Variants in ENAM observed in about 807,000 individuals in gnomAD.
ENAM encodes enamelin, also known as amelogenesis imperfecta 2, hypocalcification (autosomal dominant).
Under a neutral mutation model 33.6 loss-of-function variants are expected in ENAM, and 21 were observed. That is an observed-to-expected ratio of 0.63 (90% confidence interval 0.44 to 0.90). The LOEUF (loss-of-function observed/expected upper bound fraction) is 0.90, where lower values mean the gene tolerates loss of function less well. ENAM is among the 40% of genes least tolerant of loss of function. ENAM has a pLI of 0.00. For missense variants in ENAM, 1,388 were observed against 1,366.9 expected (o/e 1.02, Z -0.24); for synonymous variants, 473 against 468.4 (o/e 1.01, Z -0.13).
intron 5 of ENAM, 132 bp from the exon 6 acceptor site, chr4:70,634,176 A>G: frequency 1.2e-6 from 1 of 855,450 alleles, no homozygotes; most frequent in East Asian, 2.4e-5. Flanking sequence ...AAGATCTGGA[A>G]GCTTCCATAG....
In ENAM at chr4:70,643,753, G is replaced by C; in HGVS notation, c.2327G>C (p.Arg776Thr). 6.2e-7 allele frequency: 1 copy of C among 1,614,124 alleles called. No homozygotes were observed. Among genetic ancestry groups the C allele is most frequent in the East Asian group, 2.2e-5 (1 of 44,872 alleles). ...WDHRIQAQGQRERRPYFNRNI... is the reference protein window; with the variant it reads ...WDHRIQAQGQTERRPYFNRNI... ...CACAGGATACAAGCCCAAGGGCAGA[G>C]AGAAAGAAGGCCGTATTTTAACAGA... The change falls in exon 9 of 9, where the codon AGA (arginine) becomes ACA (threonine). Residue 776 changes from arginine to threonine, a missense_variant. Coordinates refer to ENST00000396073, the MANE Select transcript of ENAM (RefSeq NM_031889.3).
Position 70,632,171 on chromosome 4 carries a change from C to CA in ENAM, c.168+282dup, listed in dbSNP as rs537392130. On this transcript the variant is annotated intron_variant, in intron 4 of 8. Transcript: ENST00000396073. Reference sequence around the variant, plus strand: ...CTTATCTGCTAAGTTTTTTAGCTAGCAAAAGTGACCAATTGTACCAAGGGT... The same window carrying CA: ...CTTATCTGCTAAGTTTTTTAGCTAGCAAAAAGTGACCAATTGTACCAAGGGT... Among the ~76,000 whole-genome samples, 11 of 152,064 alleles carry CA rather than the reference C, an allele frequency of 7.2e-5. No homozygotes were observed. The South Asian group carries it at 2.3e-3, about 32-fold the overall frequency.
In ENAM at chr4:70,645,306, T is replaced by A. The variant is rs1738732384; in HGVS notation, c.*451T>A. The A allele has an allele frequency of 5.4e-6, 1 of 184,362 alleles. No homozygotes were observed. The highest frequency in any genetic ancestry group is 1.1e-5 in the Non-Finnish European group (1 of 89,128). The allele number at this position is 184,362 out of a possible 1,614,324, so 11.4% of individuals were successfully genotyped here. A position where few individuals can be genotyped will look rare whatever the true frequency, so the allele number is the denominator to read the frequency against. ...TTTGCTTGTGTTGATCTTGTCAGGT[T>A]TTTTTCCTACTCAATATTCTCTTCA... On this transcript the variant is annotated 3_prime_UTR_variant, in exon 9 of 9. Coordinates refer to ENST00000396073, the MANE Select transcript of ENAM (RefSeq NM_031889.3).
At chr4:70,638,506 G>T (rs528242441) in intron 8 of ENAM, among the ~76,000 whole-genome samples, 1 of 136,804 alleles carries the variant, frequency 7.3e-6, no homozygotes, top group Admixed American at 7.4e-5. Flanking sequence ...CTGAGCCTTG[G>T]GGGTGGAGGT....
At position 70,644,676 on chromosome 4, in the gene ENAM, G is replaced by A; in HGVS notation, c.3250G>A (p.Gly1084Arg). The A allele has an allele frequency of 1.2e-6, 2 of 1,614,138 alleles. No homozygotes were observed. The highest frequency in any genetic ancestry group is 1.7e-6 in the Non-Finnish European group (2 of 1,179,996). Residue 1084 changes from glycine to arginine, a missense_variant, in exon 9 of 9, where the codon GGG (glycine) becomes AGG (arginine). Gly to Arg is a moderately radical substitution (Grantham distance 125). Transcript: ENST00000396073. ...SSDGRQSPFD[G>R]DSITPTENPN... Reference sequence around the variant, plus strand: ...CGATGGAAGGCAAAGCCCATTTGATGGGGATTCAATTACGCCTACTGAAAA... The same window carrying A: ...CGATGGAAGGCAAAGCCCATTTGATAGGGATTCAATTACGCCTACTGAAAA...
intron 4 of ENAM, 65 bp from the exon 5 acceptor site, chr4:70,632,586 G>T: frequency 8.6e-7 from 1 of 1,163,618 alleles, no homozygotes; most frequent in Non-Finnish European, 1.3e-6. Flanking sequence ...TATTTCTTAC[G>T]ATTTGTGCAT....
At position 70,644,944 on chromosome 4, in the gene ENAM, T is replaced by A; in HGVS notation, c.*89T>A. ...CAAAATTTTTTCCCCAAGACTTAATTAAGTGTCTGACTGTCTTGGTGATCC... is the reference window on the plus strand; with the variant it reads ...CAAAATTTTTTCCCCAAGACTTAATAAAGTGTCTGACTGTCTTGGTGATCC... On this transcript the variant is annotated 3_prime_UTR_variant, in exon 9 of 9. Transcript: ENST00000396073. 9.3e-7 allele frequency: 1 copy of A among 1,070,576 alleles called. No individual in the cohort carries two copies. The highest frequency in any genetic ancestry group is 1.4e-6 in the Non-Finnish European group (1 of 698,168). The allele number at this position is 1,070,576 out of a possible 1,614,324, so 66.3% of individuals were successfully genotyped here. A position where few individuals can be genotyped will look rare whatever the true frequency, so the allele number is the denominator to read the frequency against.
chr4:70,636,628 G>A (rs1246422702), intron 7 of ENAM, among the ~76,000 whole-genome samples: 1 of 152,152 alleles, frequency 6.6e-6, no homozygotes, highest in Non-Finnish European at 1.5e-5. Context: ...AATTAGCTGG[G>A]CATAATGGCA....
chr4:70,644,803 G>A lies in ENAM; in HGVS notation c.3377G>A (p.Arg1126Lys). The A allele has an allele frequency of 6.2e-7, 1 of 1,614,124 alleles. No homozygotes were observed. Among genetic ancestry groups the A allele is most frequent in the Non-Finnish European group, 8.5e-7 (1 of 1,179,976 alleles). ...CACAGTCCATTTGAATTCCTTCAAA[G>A]AGGGACCAATGTACAGGACCAGGTA... ...DEHSPFEFLQRGTNVQDQVQD... is the reference protein window; with the variant it reads ...DEHSPFEFLQKGTNVQDQVQD... The change falls in exon 9 of 9, where the codon AGA becomes AAA. Residue 1126 changes from arginine to lysine, a missense_variant. By Grantham distance (26) the Arg-to-Lys change is conservative (BLOSUM62 2). Coordinates refer to ENST00000396073, the MANE Select transcript of ENAM (RefSeq NM_031889.3).
chr4:70,635,699 C>G, intron 6 of ENAM, 133 bp from the exon 7 acceptor site: 1 of 686,038 alleles, frequency 1.5e-6, no homozygotes, highest in Middle Eastern at 2.7e-4. Flanking sequence ...CGTCTTTGCC[C>G]TATAAAAAAC....
Position 70,634,417 on chromosome 4 carries a change from C to A in ENAM, c.320C>A (p.Ser107Tyr). The A allele has an allele frequency of 6.2e-7, 1 of 1,614,154 alleles. No homozygotes were observed. The highest frequency in any genetic ancestry group is 1.1e-5 in the South Asian group (1 of 91,088). Residue 107 changes from serine to tyrosine, a missense_variant, in exon 6 of 9, where the codon TCC becomes TAC. Ser to Tyr is a moderately radical substitution (Grantham distance 144). Transcript: ENST00000396073. ...CCCAACACATGGCATCCACGGAAAT[C>A]CTCAGCACCCAAACGTCATAACAAG... is the stretch of plus-strand genomic sequence containing the variant. ...PPPNTWHPRK[S>Y]SAPKRHNKTD...
Position 70,634,555 on chromosome 4 carries a change from C to T in ENAM, c.458C>T (p.Ala153Val), listed in dbSNP as rs1560401010. The T allele has an allele frequency of 6.2e-7, 1 of 1,614,140 alleles. No individual in the cohort carries two copies. The highest frequency in any genetic ancestry group is 8.5e-7 in the Non-Finnish European group (1 of 1,180,012). ...AATCAACCTCAGCCCGAAGAGGAAGCTCAACCCCCTCAGGTGAGACTTGCA... is the reference window on the plus strand; with the variant it reads ...AATCAACCTCAGCCCGAAGAGGAAGTTCAACCCCCTCAGGTGAGACTTGCA... The part of the protein sequence containing the change: ...SHNQPQPEEE[A>V]QPPQAFPPFG... Residue 153 changes from alanine (A) to valine (V), a missense_variant, in exon 6 of 9, where the codon GCT becomes GTT. By Grantham distance (64) the Ala-to-Val change is moderately conservative. Transcript: ENST00000396073.
Position 70,643,644 on chromosome 4 carries a change from C to A in ENAM, c.2218C>A (p.Pro740Thr), listed in dbSNP as rs1738671028. 2 of 1,614,118 alleles carry A rather than the reference C, an allele frequency of 1.2e-6. No homozygotes were observed. Among genetic ancestry groups the A allele is most frequent in the East Asian group, 4.5e-5 (2 of 44,892 alleles). ...SYNTASTMPP[P>T]IESRGYYVNN... The stretch of plus-strand genomic sequence containing the variant: ...TAATACAGCTTCTACTATGCCACCA[C>A]CTATAGAGAGCAGGGGCTACTACGT... The change falls in exon 9 of 9, where the codon CCT becomes ACT. Residue 740 changes from proline (P) to threonine (T), a missense_variant. Transcript: ENST00000396073.
chr4:70,634,437 A>C lies in ENAM; in HGVS notation c.340A>C (p.Asn114His). 3 of 1,614,134 alleles carry C rather than the reference A, an allele frequency of 1.9e-6. No homozygotes were observed. ...GAAATCCTCAGCACCCAAACGTCAT[A>C]ACAAGACTGATCAGACCCAAGAAAC... ...PRKSSAPKRH[N>H]KTDQTQETQK... The change falls in exon 6 of 9, where the codon AAC becomes CAC. Residue 114 changes from asparagine to histidine, a missense_variant. Transcript: ENST00000396073.
intron 2 of ENAM, among the ~76,000 whole-genome samples, chr4:70,630,428 G>A (rs1291565082): frequency 6.6e-6 from 1 of 152,106 alleles, no homozygotes; most frequent in Non-Finnish European, 1.5e-5. Context: ...TCTGATATAC[G>A]ATGAAAATGA....
At position 70,644,370 on chromosome 4, in the gene ENAM, A is replaced by C. The variant is rs1298975417; in HGVS notation, c.2944A>C (p.Asn982His). ...TGAAGCCAGTTCCCTTCAATCAAAG[A>C]ATACACCTTGTCTCAAAAATGATCT... ...FPEASSLQSKNTPCLKNDLGG... is the reference protein window; with the variant it reads ...FPEASSLQSKHTPCLKNDLGG... Residue 982 changes from asparagine to histidine, a missense_variant, in exon 9 of 9, where the codon AAT becomes CAT. Asn to His is a moderately conservative substitution (Grantham distance 68). Transcript: ENST00000396073. The C allele has an allele frequency of 1.9e-6, 3 of 1,614,228 alleles. No individual in the cohort carries two copies. Among genetic ancestry groups the C allele is most frequent in the South Asian group, 2.2e-5 (2 of 91,092 alleles).
chr4:70,643,240 C>T lies in ENAM; in HGVS notation c.1814C>T (p.Pro605Leu), dbSNP rs761746066. The change falls in exon 9 of 9, where the codon CCA (proline) becomes CTA (leucine). Residue 605 changes from proline (P) to leucine (L), a missense_variant. Pro to Leu is a moderately conservative substitution (Grantham distance 98). Coordinates refer to ENST00000396073, the MANE Select transcript of ENAM (RefSeq NM_031889.3). ...RGSVFYPEYNPYDPRENSPYL... is the reference protein window; with the variant it reads ...RGSVFYPEYNLYDPRENSPYL... The stretch of plus-strand genomic sequence containing the variant: ...AGTGTTTTCTACCCTGAATATAACC[C>T]ATATGATCCCAGGGAAAACTCACCA... 6.2e-7 allele frequency: 1 copy of T among 1,613,860 alleles called. No individual in the cohort carries two copies. The highest frequency in any genetic ancestry group is 8.5e-7 in the Non-Finnish European group (1 of 1,179,986).
At chr4:70,630,438 A>T (rs764206193) in intron 2 of ENAM, among the ~76,000 whole-genome samples, 1 of 152,206 alleles carries the variant, frequency 6.6e-6, no homozygotes, top group Non-Finnish European at 1.5e-5. Flanking sequence ...GATGAAAATG[A>T]ATCATTCTGA....
Position 70,645,239 on chromosome 4 carries a change from G to GTTACGGCGACCACC in ENAM, c.*384_*385insTTACGGCGACCACC. ...CAGATTAACTTTCCATTCTACTTAT[G>GTTACGGCGACCACC]GAGATCCACACATCAGTATAGTCCT... On this transcript the variant is annotated 3_prime_UTR_variant, in exon 9 of 9. Coordinates refer to ENST00000396073, the MANE Select transcript of ENAM (RefSeq NM_031889.3). 1 of 283,036 alleles carries GTTACGGCGACCACC rather than the reference G, an allele frequency of 3.5e-6. No individual in the cohort carries two copies. Among genetic ancestry groups the GTTACGGCGACCACC allele is most frequent in the Non-Finnish European group, 6.6e-6 (1 of 152,168 alleles). The allele number at this position is 283,036 out of a possible 1,614,324, so 17.5% of individuals were successfully genotyped here.
Sources: gnomAD v4.1 joint callset for allele counts (sites outside exome capture counted in the v4.1 genomes callset) on GRCh38, gnomAD v4.1.1 for gene constraint, MANE v1.5 for transcripts, NCBI Gene and HGNC (gene_info 2026-07-23, HGNC 2026-07-21) for gene names.